DNAJC2: variants seen among roughly 807,000 people sequenced by gnomAD.
DNAJC2 encodes dnaJ homolog subfamily C member 2.
A neutral mutation model predicts 94.0 loss-of-function variants in DNAJC2; 32 were observed. The ratio of observed to expected loss-of-function variants is 0.34; its 90% CI spans 0.26 to 0.46. DNAJC2 has a LOEUF of 0.46. Among genes scored for constraint, DNAJC2 ranks in the 20% least tolerant of loss-of-function variants. The pLI is 1.00. For synonymous variants in DNAJC2, 210 were observed against 229.7 expected, an observed-to-expected ratio of 0.91 and a Z score of 0.77; for missense variants, 550 against 719.5, an observed-to-expected ratio of 0.76 and a Z score of 2.69.
In DNAJC2 at chr7:103,334,811, G is replaced by A. The variant is rs1243147426; in HGVS notation, c.331+2925C>T. 3.3e-5 allele frequency among the ~76,000 whole-genome samples: 5 copies of A among 152,190 alleles called. No individual in the cohort carries two copies. In the East Asian group the frequency reaches 9.7e-4, roughly 29 times the overall value. ...TTTCAACATATACTGCAAGGGTTCA[G>A]AAACAGTGACAAATATTTTTGGTAT... is the stretch of plus-strand genomic sequence containing the variant. On this transcript the variant is annotated intron_variant, in intron 3 of 16. Coordinates refer to ENST00000379263, the MANE Select transcript of DNAJC2 (RefSeq NM_014377.3).
chr7:103,325,173 G>A (rs753573148), intron 5 of DNAJC2, among the ~76,000 whole-genome samples: 5 of 152,216 alleles, frequency 3.3e-5, no homozygotes, highest in Non-Finnish European at 7.3e-5. Flanking sequence ...GCCAGGCGCG[G>A]TGGCTCATGC....
rs766870435 is a variant in DNAJC2 at position 103,313,080 on chromosome 7, G to A, written c.1658C>T (p.Pro553Leu). The A allele has an allele frequency of 2.5e-6, 4 of 1,613,550 alleles. No homozygotes were observed. The African/African-American group carries it at 4.0e-5, about 16-fold the overall frequency. ...RFEGPYTDFT[P>L]WTTEEQKLLE... is the part of the protein sequence containing the mutation. ...AAGCTTCTGTTCTTCTGTTGTCCAA[G>A]GGGTGAAGTCTGTATATGGACCTGA... The change falls in exon 16 of 17, where the codon CCT becomes CTT. Residue 553 changes from proline (P) to leucine (L), a missense_variant. Pro to Leu is a moderately conservative substitution (Grantham distance 98). Around this residue, in one of 2 missense-constraint regions of DNAJC2, gnomAD observed 271 missense variants for 302.6 expected, o/e 0.90. Coordinates refer to ENST00000379263, the MANE Select transcript of DNAJC2 (RefSeq NM_014377.3).
At position 103,344,731 on chromosome 7, in the gene DNAJC2, T is replaced by C; in HGVS notation, c.-109A>G. The C allele has an allele frequency of 4.3e-6, 5 of 1,170,396 alleles. No individual in the cohort carries two copies. The highest frequency in any genetic ancestry group is 5.0e-6 in the Non-Finnish European group (4 of 807,088). The allele number at this position is 1,170,396 out of a possible 1,614,324, so 72.5% of individuals were successfully genotyped here. A position where few individuals can be genotyped will look rare whatever the true frequency, so the allele number is the denominator to read the frequency against. ...CACTCCGAGCCTCGCGCCTTGGCTC[T>C]AAGACGCCCAGGAACCGGCGCATGG... On this transcript the variant is annotated 5_prime_UTR_variant, in exon 1 of 17. Coordinates refer to ENST00000379263, the MANE Select transcript of DNAJC2 (RefSeq NM_014377.3).
intron 15 of DNAJC2, chr7:103,314,358 A>C: frequency 1.0e-6 from 1 of 985,434 alleles, no homozygotes; most frequent in Non-Finnish European, 1.2e-6. Flanking sequence ...GTTTAATGGT[A>C]CAACTGAAGA....
intron 3 of DNAJC2, chr7:103,335,438 T>C (rs906381594): frequency 6.6e-6 from 1 of 152,146 alleles, no homozygotes; most frequent in African/African-American, 2.4e-5. Flanking sequence ...GAGAGTAAGT[T>C]AGAATTACCC....
chr7:103,331,883 G>C (rs1034688804), intron 3 of DNAJC2, among the ~76,000 whole-genome samples: 1 of 152,138 alleles, frequency 6.6e-6, no homozygotes, highest in East Asian at 1.9e-4. Context: ...TAGTGGGAAC[G>C]CTGGGCTATA....
chr7:103,330,297 T>A (rs148017118), intron 3 of DNAJC2, among the ~76,000 whole-genome samples: 13 of 151,824 alleles, frequency 8.6e-5, no homozygotes, highest in South Asian at 2.1e-4. Flanking sequence ...ATTTTATTTT[T>A]TTTTTTGAGA....
At chr7:103,313,740 T>G (rs1014870607) in intron 15 of DNAJC2, 1 of 985,112 alleles carries the variant, frequency 1.0e-6, no homozygotes, top group African/African-American at 1.7e-5. Context: ...CAACTAAACC[T>G]TGTATATTTC....
Position 103,323,588 on chromosome 7 carries a change from G to A in DNAJC2, c.719+10C>T. ...AAATACCTTCCATTATTAATGATTT[G>A]CATACATACCATTCTGCTTTTTCTT... On this transcript the variant is annotated intron_variant, in intron 7 of 16. Transcript: ENST00000379263. 1.4e-6 allele frequency: 2 copies of A among 1,462,102 alleles called. No individual in the cohort carries two copies. The highest frequency in any genetic ancestry group is 1.8e-6 in the Non-Finnish European group (2 of 1,086,086). 90.6% of individuals were successfully genotyped at this position (1,462,102 alleles called of 1,614,324 possible).
chr7:103,322,408 G>A, intron 9 of DNAJC2, 103 bp downstream of exon 9: 2 of 1,190,064 alleles, frequency 1.7e-6, no homozygotes, highest in Non-Finnish European at 2.3e-6. Flanking sequence ...CCAATTCTCT[G>A]CTTTCGAATT....
At chr7:103,314,607 A>G in intron 15 of DNAJC2, 1 of 985,378 alleles carries the variant, frequency 1.0e-6, no homozygotes, top group Non-Finnish European at 1.2e-6. Context: ...ACTCCTTTAT[A>G]AAGAAGTGTC....
Position 103,313,047 on chromosome 7 carries a change from T to C in DNAJC2, c.1691A>G (p.Gln564Arg), listed in dbSNP as rs1348868969. ...WTTEEQKLLE[Q>R]ALKTYPVNTP... The stretch of plus-strand genomic sequence containing the variant: ...ATTTACTGGGTATGTTTTCAAAGCT[T>C]GTTCCAAAAGCTTCTGTTCTTCTGT... Residue 564 changes from glutamine (Q) to arginine (R), a missense_variant, in exon 16 of 17, where the codon CAA becomes CGA. Physicochemically the swap from Gln to Arg is conservative, Grantham distance 43 (BLOSUM62 1). Around this residue, in one of 2 missense-constraint regions of DNAJC2, gnomAD observed 271 missense variants for 302.6 expected, o/e 0.90. Transcript: ENST00000379263. 6.2e-7 allele frequency: 1 copy of C among 1,614,092 alleles called. No homozygotes were observed. Among genetic ancestry groups the C allele is most frequent in the Non-Finnish European group, 8.5e-7 (1 of 1,179,956 alleles).
intron 3 of DNAJC2, chr7:103,336,911 A>G (rs747648021): frequency 6.6e-6 from 1 of 152,212 alleles, no homozygotes; most frequent in African/African-American, 2.4e-5. Context: ...ATTGACTAAT[A>G]ATTTTTACCA....
At chr7:103,338,281 T>G (rs1486591049) in intron 2 of DNAJC2, among the ~76,000 whole-genome samples, 2 of 150,786 alleles carry the variant, frequency 1.3e-5, no homozygotes, top group Non-Finnish European at 1.5e-5. Context: ...TTTTTTTTTT[T>G]TTTAATGATT....
At chr7:103,322,168 A>C in intron 9 of DNAJC2, 87 bp from the exon 10 acceptor site, 2 of 1,034,352 alleles carry the variant, frequency 1.9e-6, no homozygotes, top group Non-Finnish European at 2.6e-6. Context: ...ACTTTTAATA[A>C]ATTATATTAG....
rs753625490 is a variant in DNAJC2, at chr7:103,312,598, C to T, written c.1837G>A (p.Val613Met). 1 of 1,613,582 alleles carries T rather than the reference C, an allele frequency of 6.2e-7. No homozygotes were observed. Among genetic ancestry groups the T allele is most frequent in the South Asian group, 1.1e-5 (1 of 90,980 alleles). ...VKAKKAAQEQ[V>M]LNASRAKK ...TTCTTGGCTCTACTTGCATTCAGCA[C>T]TTGTTCTTGAGCAGCTTTCTTTGCT... Residue 613 changes from valine to methionine, a missense_variant, in exon 17 of 17, where the codon GTG (valine) becomes ATG (methionine). Transcript: ENST00000379263.
Position 103,312,439 on chromosome 7 carries a change from T to A in DNAJC2, c.*130A>T. On this transcript the variant is annotated 3_prime_UTR_variant, in exon 17 of 17. Coordinates refer to ENST00000379263, the MANE Select transcript of DNAJC2 (RefSeq NM_014377.3). Reference sequence around the variant, plus strand: ...AAGGTTGTTTTGTATTAATGGTCAGTCTTTGTTCTCTGAGAAATTATGTTG... The same window carrying A: ...AAGGTTGTTTTGTATTAATGGTCAGACTTTGTTCTCTGAGAAATTATGTTG... 6.6e-7 allele frequency: 1 copy of A among 1,517,232 alleles called. No homozygotes were observed. 94.0% of individuals were successfully genotyped at this position (1,517,232 alleles called of 1,614,324 possible).
intron 3 of DNAJC2, 95 bp from the exon 4 acceptor site, chr7:103,327,849 T>A (rs1490527554): frequency 7.3e-6 from 5 of 684,398 alleles, no homozygotes; most frequent in Non-Finnish European, 1.2e-5. Context: ...ATAAGGCTAA[T>A]ATTAGAATCT....
rs56703501 is a variant in DNAJC2 at position 103,332,007 on chromosome 7, A to AT, written c.332-4254dup. On this transcript the variant is annotated intron_variant, in intron 3 of 16. Coordinates refer to ENST00000379263, the MANE Select transcript of DNAJC2 (RefSeq NM_014377.3). ...AAAATTCCCTTTTCTTAAATTTGCT[A>AT]TTTTTTTTTTTTTTTGAGGCGGAGT... Among the ~76,000 whole-genome samples, 192 of 134,106 alleles carry AT rather than the reference A, an allele frequency of 1.4e-3. 1 individual carries two copies. The highest frequency in any genetic ancestry group is 1.4e-3 in the Non-Finnish European group (86 of 59,896). The allele number at this position is 134,106 out of a possible 152,430, so 88.0% of individuals were successfully genotyped here. A position where few individuals can be genotyped will look rare whatever the true frequency, so the allele number is the denominator to read the frequency against.
Sources: gnomAD v4.1 joint callset for allele counts (sites outside exome capture counted in the v4.1 genomes callset) on GRCh38, gnomAD v4.1.1 for gene constraint, gnomAD v4.1.1 regional missense constraint, MANE v1.5 for transcripts, NCBI Gene and HGNC (gene_info 2026-07-23, HGNC 2026-07-21) for gene names.